The following EEF2K variants were observed in gnomAD, a reference collection of about 807,000 sequenced individuals.
EEF2K encodes the protein alternative protein EEF2K.
A neutral mutation model predicts 93.8 loss-of-function variants in EEF2K; 70 were observed. The observed-to-expected ratio is 0.75, with a 90% CI of 0.62 to 0.91. The LOEUF (loss-of-function observed/expected upper bound fraction) is 0.91, where lower values mean the gene tolerates loss of function less well. EEF2K is among the 40% of genes least tolerant of loss of function. EEF2K has a pLI of 0.00. For synonymous variants in EEF2K, 376 were observed against 380.8 expected (o/e 0.99, Z 0.15); for missense variants, 935 against 972.9 (o/e 0.96, Z 0.52).
Position 22,236,934 on chromosome 16 carries a change from C to CTTTT in EEF2K, c.247-7671_247-7668dup, listed in dbSNP as rs71151665. Among the ~76,000 whole-genome samples the CTTTT allele has an allele frequency of 3.2e-4, 18 of 56,230 alleles. 2 individuals are homozygous for CTTTT. The highest frequency in any genetic ancestry group is 1.5e-3 in the East Asian group (2 of 1,306). 36.9% of individuals were successfully genotyped at this position (56,230 alleles called of 152,430 possible). On this transcript the variant is annotated intron_variant, in intron 2 of 17. Coordinates refer to ENST00000263026, the MANE Select transcript of EEF2K (RefSeq NM_013302.5). ...TTTTTTATGAAATATCCACAGACCT[C>CTTTT]TTTTTTTTTTTTTTTTTTTTTTTTT...
In EEF2K at chr16:22,221,128, G is replaced by A. The variant is rs529228470; in HGVS notation, c.-76-4526G>A. The stretch of plus-strand genomic sequence containing the variant: ...ACGGTGAGTATAGAAATCAATGTGT[G>A]GGTGGTGTGTTAAGGAAAAAGATTA... On this transcript the variant is annotated intron_variant, in intron 1 of 17. Transcript: ENST00000263026. Among the ~76,000 whole-genome samples, 27 of 152,308 alleles carry A rather than the reference G, an allele frequency of 1.8e-4. 1 individual carries two copies. The highest frequency in any genetic ancestry group is 1.8e-3 in the Admixed American group (27 of 15,288).
chr16:22,275,293 G>A (rs1221275709), intron 16 of EEF2K, among the ~76,000 whole-genome samples: 1 of 150,852 alleles, frequency 6.6e-6, no homozygotes, highest in Non-Finnish European at 1.5e-5. Context: ...TAACCCTTTG[G>A]TATACTTTTC....
intron 1 of EEF2K, among the ~76,000 whole-genome samples, chr16:22,220,503 C>T (rs1472264968): frequency 2.6e-5 from 4 of 151,978 alleles, no homozygotes; most frequent in Non-Finnish European, 5.9e-5. Context: ...CAGGCAGTGG[C>T]ACAATCTCAA....
At chr16:22,208,810 ACCAGTACCCATGTTCT>A (rs1370026734) in intron 1 of EEF2K, among the ~76,000 whole-genome samples, 3 of 152,118 alleles carry the variant, frequency 2.0e-5, no homozygotes, top group Admixed American at 6.5e-5. Flanking sequence ...GCTATGGGTC[ACCAGTACCCATGTTCT>A]CGTCCTCCTG....
chr16:22,240,747 A>G (rs115551892), intron 2 of EEF2K, among the ~76,000 whole-genome samples: 1 of 152,084 alleles, frequency 6.6e-6, no homozygotes, highest in Non-Finnish European at 1.5e-5. Flanking sequence ...GGTGTGGTCC[A>G]ATTGCTCTTT....
At chr16:22,276,348 C>A (rs6497584) in intron 16 of EEF2K, among the ~76,000 whole-genome samples, 10,006 of 152,116 alleles carry the variant, frequency 0.066, 1,122 homozygotes, top group African/African-American at 0.23. Context: ...GGTTTGGGGA[C>A]ACACTGGTTT....
chr16:22,213,498 G>T (rs932548662), intron 1 of EEF2K, among the ~76,000 whole-genome samples: 1 of 152,140 alleles, frequency 6.6e-6, no homozygotes, highest in Admixed American at 6.6e-5. Flanking sequence ...GTCCCTTGAG[G>T]GAGCAAAATT....
intron 3 of EEF2K, among the ~76,000 whole-genome samples, chr16:22,247,037 CAAAAAAA>C (rs57073413): frequency 0.013 from 177 of 13,646 alleles, no homozygotes; most frequent in Non-Finnish European, 0.025. Flanking sequence ...GACTCCATCT[CAAAAAAA>C]AAAAAAAAAA....
At chr16:22,264,761 A>G in intron 12 of EEF2K, 57 bp from the exon 13 acceptor site, 1 of 1,592,062 alleles carries the variant, frequency 6.3e-7, no homozygotes, top group Non-Finnish European at 8.6e-7. Context: ...CTCTCAGGAG[A>G]GGTTCCTGGG....
intron 15 of EEF2K, among the ~76,000 whole-genome samples, chr16:22,272,528 G>A (rs572041703): frequency 6.6e-5 from 10 of 152,212 alleles, no homozygotes; most frequent in Non-Finnish European, 1.5e-4. Flanking sequence ...CTAGTGCTGA[G>A]CAGGATGAGG....
intron 1 of EEF2K, among the ~76,000 whole-genome samples, chr16:22,213,476 A>G (rs1031811335): frequency 1.3e-5 from 2 of 152,236 alleles, no homozygotes; most frequent in Admixed American, 6.5e-5. Flanking sequence ...ATGTCTCTAG[A>G]CATTGCCAAA....
intron 6 of EEF2K, among the ~76,000 whole-genome samples, chr16:22,251,705 G>A (rs2047353993): frequency 6.6e-6 from 1 of 152,066 alleles, no homozygotes; most frequent in South Asian, 2.1e-4. Context: ...GATTACAGGT[G>A]TGAGCCACCA....
At chr16:22,216,882 C>T (rs771626090) in intron 1 of EEF2K, among the ~76,000 whole-genome samples, 6 of 152,044 alleles carry the variant, frequency 3.9e-5, no homozygotes, top group Admixed American at 2.6e-4. Flanking sequence ...ATAATCAGGG[C>T]CGGGTGCAGT....
Position 22,266,696 on chromosome 16 carries a change from G to T in EEF2K, c.1584G>T (p.Leu528=). 1 of 1,609,034 alleles carries T rather than the reference G, an allele frequency of 6.2e-7. No homozygotes were observed. Among genetic ancestry groups the T allele is most frequent in the South Asian group, 1.1e-5 (1 of 90,086 alleles). The change falls in exon 15 of 18, where the codon CTG becomes CTT. Residue 528 remains leucine, a synonymous_variant. Transcript: ENST00000263026. ...IGKSILGKVH[L]AMVRYHEGGR... ...CGTAGTCTGTGTGGCAGGTCCATCTGGCCATGGTGCGCTACCACGAGGGTG... is the reference window on the plus strand; with the variant it reads ...CGTAGTCTGTGTGGCAGGTCCATCTTGCCATGGTGCGCTACCACGAGGGTG...
At chr16:22,239,814 A>G (rs2141661817) in intron 2 of EEF2K, among the ~76,000 whole-genome samples, 1 of 152,130 alleles carries the variant, frequency 6.6e-6, no homozygotes, top group Non-Finnish European at 1.5e-5. Context: ...CTGTCTCTTT[A>G]AGAGAAAAAG....
At chr16:22,237,428 G>A (rs1258399191) in intron 2 of EEF2K, among the ~76,000 whole-genome samples, 2 of 151,478 alleles carry the variant, frequency 1.3e-5, no homozygotes, top group East Asian at 2.0e-4. Flanking sequence ...ACTTGAGTCC[G>A]GGAGTTTGAG....
Position 22,285,439 on chromosome 16 carries a change from C to T in EEF2K, c.*1443C>T, listed in dbSNP as rs958787121. 6 of 152,192 alleles carry T rather than the reference C, an allele frequency of 3.9e-5. No homozygotes were observed. Among genetic ancestry groups the T allele is most frequent in the African/African-American group, 1.4e-4 (6 of 41,444 alleles). 9.4% of individuals were successfully genotyped at this position (152,192 alleles called of 1,614,324 possible). A position where few individuals can be genotyped will look rare whatever the true frequency, so the allele number is the denominator to read the frequency against. On this transcript the variant is annotated 3_prime_UTR_variant, in exon 18 of 18. Coordinates refer to ENST00000263026, the MANE Select transcript of EEF2K (RefSeq NM_013302.5). ...TTAATTCTAGTAGTCTCCCCATGGC[C>T]AGACAATGGCGATTGTTATTTAATG...
intron 1 of EEF2K, among the ~76,000 whole-genome samples, chr16:22,211,909 C>G (rs1387371335): frequency 6.6e-6 from 1 of 151,994 alleles, no homozygotes; most frequent in Non-Finnish European, 1.5e-5. Flanking sequence ...TGCAGAGGAA[C>G]AAGACACACG....
chr16:22,244,233 T>C (rs995474454), intron 2 of EEF2K, among the ~76,000 whole-genome samples: 4 of 151,500 alleles, frequency 2.6e-5, no homozygotes, highest in Non-Finnish European at 4.4e-5. Context: ...TGTTTCTATA[T>C]ATATATATAC....
Sources: gnomAD v4.1 joint callset for allele counts (sites outside exome capture counted in the v4.1 genomes callset) on GRCh38, gnomAD v4.1.1 for gene constraint, MANE v1.5 for transcripts, NCBI Gene and HGNC (gene_info 2026-07-23, HGNC 2026-07-21) for gene names.